The following SLIT1 variants were observed in gnomAD, a reference collection of about 807,000 sequenced individuals.
SLIT1 encodes the protein slit homolog 1 protein.
A neutral mutation model predicts 186.1 loss-of-function variants in SLIT1; 66 were observed. The ratio of observed to expected loss-of-function variants is 0.35; its 90% CI spans 0.29 to 0.44. SLIT1 has a LOEUF of 0.44. Among genes scored for constraint, SLIT1 ranks in the 20% least tolerant of loss-of-function variants. The pLI, the probability that SLIT1 is intolerant of heterozygous loss-of-function variation, is 1.00. For synonymous variants in SLIT1, 761 were observed against 833.8 expected, an observed-to-expected ratio of 0.91 and a Z score of 1.50; for missense variants, 1,638 against 2,037.4, an observed-to-expected ratio of 0.80 and a Z score of 3.77.
In SLIT1 at chr10:97,001,497, T is replaced by G. The variant is rs190353688; in HGVS notation, c.4367-147A>C. 128 of 645,864 alleles carry G rather than the reference T, an allele frequency of 2.0e-4. 1 individual carries two copies. In the Admixed American group the frequency reaches 3.4e-3, roughly 17 times the overall value. 40.0% of individuals were successfully genotyped at this position (645,864 alleles called of 1,614,324 possible). A position where few individuals can be genotyped will look rare whatever the true frequency, so the allele number is the denominator to read the frequency against. ...TCAGACCCCACCTCTGTCCCCAGCATACTTCCGCCTCCCACTGACATGCAC... is the reference window on the plus strand; with the variant it reads ...TCAGACCCCACCTCTGTCCCCAGCAGACTTCCGCCTCCCACTGACATGCAC... On this transcript the variant is annotated intron_variant, in intron 36 of 36. Coordinates refer to ENST00000266058, the MANE Select transcript of SLIT1 (RefSeq NM_003061.3).
chr10:97,159,992 T>C (rs1420950452), intron 3 of SLIT1, among the ~76,000 whole-genome samples: 1 of 152,154 alleles, frequency 6.6e-6, no homozygotes, highest in Non-Finnish European at 1.5e-5. Flanking sequence ...GCCCAAGCCA[T>C]TACTGAATGG....
rs1334750910 is a variant in SLIT1, at chr10:97,021,463, C to T, written c.2583-50G>A. The T allele has an allele frequency of 2.6e-6, 4 of 1,558,942 alleles. No individual in the cohort carries two copies. Among genetic ancestry groups the T allele is most frequent in the African/African-American group, 1.4e-5 (1 of 73,460 alleles). On this transcript the variant is annotated intron_variant, in intron 25 of 36. Coordinates refer to ENST00000266058, the MANE Select transcript of SLIT1 (RefSeq NM_003061.3). The surrounding 1 kb of genome is among the most constrained non-coding windows in gnomAD (Gnocchi z 4.5). ...GGCATTACAGCTTCATGGGGTCCCT[C>T]GCCCACTGGGAACCTAGAGTCCCAG...
rs749136756 is a variant in SLIT1, at chr10:97,006,590, C to A, written c.3472G>T (p.Gly1158Cys). 1.2e-6 allele frequency: 2 copies of A among 1,614,106 alleles called. No homozygotes were observed. The highest frequency in any genetic ancestry group is 2.7e-5 in the African/African-American group (2 of 74,944). ...AGCAACTTCTCACACTCAGGGCCAC[C>A]GAAGCCTGGGAGGCACTGGCACACA... ...RPVCQCLPGFGGPECEKLLSV... is the reference protein window; with the variant it reads ...RPVCQCLPGFCGPECEKLLSV... Residue 1158 changes from glycine to cysteine, a missense_variant, in exon 32 of 37, where the codon GGT becomes TGT. Physicochemically the swap from Gly to Cys is radical, Grantham distance 159. Transcript: ENST00000266058. This position sits in a 1 kb window ranked among gnomAD's most constrained non-coding sequence, Gnocchi z 4.0.
Position 97,002,961 on chromosome 10 carries a change from G to C in SLIT1, c.3897C>G (p.Phe1299Leu). Residue 1299 changes from phenylalanine (F) to leucine (L), a missense_variant, in exon 35 of 37, where the codon TTC becomes TTG. Phe to Leu is a conservative substitution (Grantham distance 22, BLOSUM62 0). This residue lies in a region of SLIT1 where 173 missense variants were observed against 290.9 expected (regional missense o/e 0.59). Transcript: ENST00000266058. The part of the protein sequence containing the change: ...GMPVDVNSAA[F>L]RLWQILNGTG... ...TGCCGTTGAGGATCTGCCACAGGCG[G>C]AAGGCAGCTGAGTTGACATCCACGG... The C allele has an allele frequency of 6.2e-7, 1 of 1,614,154 alleles. No individual in the cohort carries two copies. Among genetic ancestry groups the C allele is most frequent in the Non-Finnish European group, 8.5e-7 (1 of 1,179,986 alleles).
chr10:97,029,167 G>A (rs527287938), intron 25 of SLIT1, among the ~76,000 whole-genome samples: 1 of 152,320 alleles, frequency 6.6e-6, no homozygotes, highest in Admixed American at 6.5e-5. Flanking sequence ...GGCAACACCT[G>A]TTACTATTTT....
At chr10:97,137,371 A>C (rs1849712651) in intron 4 of SLIT1, among the ~76,000 whole-genome samples, 1 of 152,180 alleles carries the variant, frequency 6.6e-6, no homozygotes, top group South Asian at 2.1e-4. Context: ...TCTACAAATA[A>C]TCAGAAAACC....
intron 5 of SLIT1, 124 bp downstream of exon 5, chr10:97,065,891 C>G (rs1247607561): frequency 4.2e-6 from 3 of 706,558 alleles, no homozygotes; most frequent in Admixed American, 2.3e-5. Context: ...CACCAGCCCT[C>G]TGAGAGCCCA....
chr10:97,085,395 T>G (rs538214858), intron 4 of SLIT1, among the ~76,000 whole-genome samples: 82 of 152,106 alleles, frequency 5.4e-4, no homozygotes, highest in South Asian at 1.2e-3. Flanking sequence ...ACTTTTTTTT[T>G]TTTTGTTTTT....
intron 14 of SLIT1, among the ~76,000 whole-genome samples, chr10:97,048,340 C>T (rs1420971757): frequency 6.6e-6 from 1 of 152,176 alleles, no homozygotes; most frequent in Non-Finnish European, 1.5e-5. Context: ...GAAGCTGCCC[C>T]ACACTGTCCC....
chr10:97,049,849 A>T (rs1848771972), intron 13 of SLIT1, among the ~76,000 whole-genome samples: 1 of 152,250 alleles, frequency 6.6e-6, no homozygotes, highest in Admixed American at 6.5e-5. Context: ...TGTCAGCAGG[A>T]TAAATACGGG....
intron 10 of SLIT1, 171 bp from the exon 11 acceptor site, chr10:97,059,702 C>T (rs1848874163): frequency 1.5e-6 from 1 of 655,136 alleles, no homozygotes; most frequent in East Asian, 2.7e-5. Context: ...GCCGCTATTT[C>T]CCTGTGCAGT....
At chr10:97,029,209 C>A (rs1042936037) in intron 25 of SLIT1, among the ~76,000 whole-genome samples, 1 of 152,176 alleles carries the variant, frequency 6.6e-6, no homozygotes, top group Non-Finnish European at 1.5e-5. Context: ...TTTGATGCAC[C>A]GCTGATTTAA....
chr10:97,046,882 A>C, intron 17 of SLIT1, 85 bp from the exon 18 acceptor site: 2 of 1,572,724 alleles, frequency 1.3e-6, no homozygotes, highest in Non-Finnish European at 1.7e-6. Flanking sequence ...ACACCCCCAC[A>C]CACAGAGTCC....
At chr10:97,098,460 G>C (rs1433988048) in intron 4 of SLIT1, among the ~76,000 whole-genome samples, 2 of 152,220 alleles carry the variant, frequency 1.3e-5, no homozygotes, top group African/African-American at 2.4e-5. Context: ...GCTTCTAGGG[G>C]TACGGTGAGG....
At chr10:97,040,924 G>A (rs554035055) in intron 20 of SLIT1, among the ~76,000 whole-genome samples, 6 of 152,284 alleles carry the variant, frequency 3.9e-5, no homozygotes, top group East Asian at 1.9e-4. Context: ...TATGCAGGTC[G>A]CCTGTGTGCA....
intron 23 of SLIT1, among the ~76,000 whole-genome samples, 200 bp from the exon 24 acceptor site, chr10:97,031,877 C>G (rs1848594623): frequency 1.3e-5 from 2 of 152,286 alleles, no homozygotes; most frequent in Admixed American, 1.3e-4. Context: ...CTAATCCCTT[C>G]TGCCTCAATC....
intron 5 of SLIT1, chr10:97,065,529 T>G (rs1175039784): frequency 6.2e-6 from 1 of 160,086 alleles, no homozygotes; most frequent in African/African-American, 2.4e-5. Context: ...TGACAAAGTG[T>G]ATTTATTTCC....
chr10:97,071,268 A>G (rs1413937648), intron 4 of SLIT1, among the ~76,000 whole-genome samples: 2 of 152,086 alleles, frequency 1.3e-5, no homozygotes, highest in African/African-American at 2.4e-5. Flanking sequence ...GGGAGATGAG[A>G]GCATGTGCAT....
chr10:97,078,891 G>A (rs1849074872), intron 4 of SLIT1, among the ~76,000 whole-genome samples: 1 of 152,230 alleles, frequency 6.6e-6, no homozygotes, highest in African/African-American at 2.4e-5. Context: ...GAGTATGAGA[G>A]GCAAGGCTCC....
Sources: allele counts gnomAD v4.1 joint callset (sites outside exome capture counted in the v4.1 genomes callset), GRCh38; gene constraint gnomAD v4.1.1; regional missense constraint gnomAD v4.1.1; non-coding constraint Gnocchi (gnomAD v3.1); transcripts MANE v1.5; gene names NCBI Gene and HGNC (gene_info 2026-07-23, HGNC 2026-07-21).